Variants in FREM3 observed in about 807,000 individuals in gnomAD.
The protein encoded by FREM3 is FRAS1-related extracellular matrix protein 3.
Under a neutral mutation model 129.1 loss-of-function variants are expected in FREM3, and 105 were observed. That is an observed-to-expected ratio of 0.81 (90% CI 0.69 to 0.96). The LOEUF (loss-of-function observed/expected upper bound fraction) is 0.96, where lower values mean the gene tolerates loss of function less well. Ranked by LOEUF, FREM3 falls within the 40% of genes least tolerant of loss-of-function variation. The probability of loss-of-function intolerance (pLI) is 0.00; values close to 1 mark genes in which losing one functional copy is unlikely to be tolerated. For missense variants in FREM3, 2,593 were observed against 2,666.3 expected (o/e 0.97, Z 0.61); for synonymous variants, 1,014 against 1,044.9 (o/e 0.97, Z 0.57).
chr4:143,675,457 A>C (rs1348377510), intron 2 of FREM3, among the ~76,000 whole-genome samples: 1 of 152,314 alleles, frequency 6.6e-6, no homozygotes, highest in African/African-American at 2.4e-5. Context: ...TAAAATTGAC[A>C]CCCTAACATC....
At position 143,699,161 on chromosome 4, in the gene FREM3, A is replaced by C. The variant is rs766751552; in HGVS notation, c.1515T>G (p.Tyr505Ter). ...TGTAGGTGTTGCTGCCATCATGCTG[A>C]TACACCACTCGCCCTGCTGCCAGGT... ...PADLAAGRVV[Y>*]QHDGSNTYSD... The change falls in exon 1 of 8, where the codon TAT (tyrosine) becomes TAG (stop). Residue 505 changes from tyrosine to a stop codon, truncating the protein, a stop_gained. Transcript: ENST00000329798. LOFTEE classifies it high-confidence loss of function. The surrounding 1 kb of genome is among the most constrained non-coding windows in gnomAD (Gnocchi z 4.2). 6.5e-6 allele frequency: 10 copies of C among 1,537,342 alleles called. No homozygotes were observed. The South Asian group carries it at 1.2e-4, about 18-fold the overall frequency.
intron 7 of FREM3, among the ~76,000 whole-genome samples, chr4:143,582,651 G>A (rs1465659455): frequency 6.6e-6 from 1 of 152,048 alleles, no homozygotes; most frequent in Non-Finnish European, 1.5e-5. Flanking sequence ...CCCCAGCAAT[G>A]GTTCTTAACC....
Position 143,627,669 on chromosome 4 carries a change from T to A in FREM3, c.5367A>T (p.Thr1789=). ...KEYYIVDEDS[T]FLEVTLTRRG... ...TGCGTGTAAGGGTCACTTCTAAGAA[T>A]GTGGAATCTTCATCCACAATGTAGT... is the stretch of plus-strand genomic sequence containing the variant. The change falls in exon 3 of 8, where the codon ACA becomes ACT. Residue 1789 remains threonine (T), a synonymous_variant. Coordinates refer to ENST00000329798, the MANE Select transcript of FREM3 (RefSeq NM_001168235.2). 3 of 1,535,264 alleles carry A rather than the reference T, an allele frequency of 2.0e-6. No individual in the cohort carries two copies. Among genetic ancestry groups the A allele is most frequent in the Non-Finnish European group, 2.6e-6 (3 of 1,145,170 alleles).
chr4:143,655,181 G>C (rs1465206385), intron 2 of FREM3, among the ~76,000 whole-genome samples: 1 of 152,106 alleles, frequency 6.6e-6, no homozygotes, highest in Non-Finnish European at 1.5e-5. Context: ...CTCCTCCTTA[G>C]GACTTTTTTC....
chr4:143,579,493 A>G (rs1054856685), intron 7 of FREM3, among the ~76,000 whole-genome samples: 17 of 152,204 alleles, frequency 1.1e-4, no homozygotes, highest in African/African-American at 3.6e-4. Flanking sequence ...AAAATTACTA[A>G]GGCAGGAGAG....
At chr4:143,680,218 A>G (rs1475516387) in intron 2 of FREM3, among the ~76,000 whole-genome samples, 1 of 131,298 alleles carries the variant, frequency 7.6e-6, no homozygotes, top group Non-Finnish European at 1.5e-5. Flanking sequence ...ACCTTCCCCT[A>G]TATATATATA....
rs2149831818 is a variant in FREM3, at chr4:143,577,835, C to T, written c.6196G>A (p.Gly2066Ser). ...ESAEAGTDYVGISRNLDFAPG... is the reference protein window; with the variant it reads ...ESAEAGTDYVSISRNLDFAPG... ...GCAAAGTCCAGGTTTCGGCTGATAC[C>T]AACATAATCTGTTCCAGCTAGTGAA... Residue 2066 changes from glycine to serine, a missense_variant, in exon 8 of 8, where the codon GGT becomes AGT. Gly to Ser is a moderately conservative substitution (Grantham distance 56). Around this residue, in one of 2 missense-constraint regions of FREM3, gnomAD observed 317 missense variants for 399.0 expected, o/e 0.79. Transcript: ENST00000329798. 5 of 1,537,080 alleles carry T rather than the reference C, an allele frequency of 3.3e-6. No homozygotes were observed. The highest frequency in any genetic ancestry group is 3.5e-6 in the Non-Finnish European group (4 of 1,146,870).
At chr4:143,639,939 C>T (rs1388882947) in intron 2 of FREM3, among the ~76,000 whole-genome samples, 1 of 152,116 alleles carries the variant, frequency 6.6e-6, no homozygotes, top group African/African-American at 2.4e-5. Flanking sequence ...ATAGGCAAAG[C>T]TCTCTACAGT....
chr4:143,680,514 A>T (rs1740230547), intron 2 of FREM3, among the ~76,000 whole-genome samples: 1 of 152,080 alleles, frequency 6.6e-6, no homozygotes, highest in Non-Finnish European at 1.5e-5. Flanking sequence ...ATTTTGTCTC[A>T]TCACTACATT....
At chr4:143,689,184 AAAAC>A (rs1354522700) in intron 2 of FREM3, among the ~76,000 whole-genome samples, 6 of 152,282 alleles carry the variant, frequency 3.9e-5, no homozygotes, top group East Asian at 1.9e-4. Context: ...CAGTAAGAAA[AAAAC>A]AAACAATCCC....
chr4:143,640,849 TA>T (rs1488483478), intron 2 of FREM3, among the ~76,000 whole-genome samples: 1 of 152,096 alleles, frequency 6.6e-6, no homozygotes, highest in Non-Finnish European at 1.5e-5. Context: ...GAGCAATCTT[TA>T]AAAAAATGAT....
At chr4:143,691,391 T>C (rs1195304183) in intron 2 of FREM3, among the ~76,000 whole-genome samples, 4 of 151,062 alleles carry the variant, frequency 2.6e-5, no homozygotes, top group East Asian at 3.9e-4. Flanking sequence ...AAACACCACC[T>C]GTACCACCAA....
chr4:143,661,959 A>C (rs1006189276), intron 2 of FREM3, among the ~76,000 whole-genome samples: 1 of 151,438 alleles, frequency 6.6e-6, no homozygotes, highest in African/African-American at 2.4e-5. Flanking sequence ...TTTTTATTGC[A>C]TCTATTTGAT....
At chr4:143,621,992 A>C (rs1560847833) in intron 4 of FREM3, among the ~76,000 whole-genome samples, 1 of 152,160 alleles carries the variant, frequency 6.6e-6, no homozygotes. Flanking sequence ...CTATGAAACC[A>C]CATTTAATTT....
At chr4:143,679,053 G>T (rs1360507165) in intron 2 of FREM3, among the ~76,000 whole-genome samples, 3 of 152,142 alleles carry the variant, frequency 2.0e-5, no homozygotes, top group Non-Finnish European at 4.4e-5. Context: ...TCAATGCACA[G>T]TTTAATTGTT....
Position 143,700,052 on chromosome 4 carries a change from G to A in FREM3, c.624C>T (p.Cys208=). ...CCTCGTGAGGAAGTGGGGTAAGCCGGCACCTGCGGGTGGCCGTGGCTCCAG... is the reference window on the plus strand; with the variant it reads ...CCTCGTGAGGAAGTGGGGTAAGCCGACACCTGCGGGTGGCCGTGGCTCCAG... ...LKSGATATRR[C]RLTPLPHEDG... The change falls in exon 1 of 8, where the codon TGC becomes TGT. Residue 208 remains cysteine, a synonymous_variant. Coordinates refer to ENST00000329798, the MANE Select transcript of FREM3 (RefSeq NM_001168235.2). 2.0e-6 allele frequency: 3 copies of A among 1,521,558 alleles called. No homozygotes were observed. Among genetic ancestry groups the A allele is most frequent in the Non-Finnish European group, 2.6e-6 (3 of 1,136,530 alleles). The allele number at this position is 1,521,558 out of a possible 1,614,324, so 94.3% of individuals were successfully genotyped here. A position where few individuals can be genotyped will look rare whatever the true frequency, so the allele number is the denominator to read the frequency against.
rs773604907 is a variant in FREM3 at position 143,700,399 on chromosome 4, C to G, written c.277G>C (p.Asp93His). 18 of 1,534,246 alleles carry G rather than the reference C, an allele frequency of 1.2e-5. No individual in the cohort carries two copies. In the African/African-American group the frequency reaches 1.5e-4, roughly 13 times the overall value. Reference sequence around the variant, plus strand: ...TCCAGTACCGTGACTTCGCACCGGTCCCCCGGCTGCACTCCAATCACCAGA... The same window carrying G: ...TCCAGTACCGTGACTTCGCACCGGTGCCCCGGCTGCACTCCAATCACCAGA... ...RDLVIGVQPGDRCEVTVLDAL... is the reference protein window; with the variant it reads ...RDLVIGVQPGHRCEVTVLDAL... The change falls in exon 1 of 8, where the codon GAC (aspartate) becomes CAC (histidine). Residue 93 changes from aspartate to histidine, a missense_variant. Transcript: ENST00000329798.
At chr4:143,619,859 T>A (rs1347865859) in intron 5 of FREM3, among the ~76,000 whole-genome samples, 1 of 151,940 alleles carries the variant, frequency 6.6e-6, no homozygotes, top group East Asian at 1.9e-4. Context: ...ACAAACAATG[T>A]TGTGGGGGTA....
At position 143,696,377 on chromosome 4, in the gene FREM3, C is replaced by T. The variant is rs189302823; in HGVS notation, c.4299G>A (p.Arg1433=). 5.2e-6 allele frequency: 8 copies of T among 1,537,398 alleles called. No homozygotes were observed. The change falls in exon 1 of 8, where the codon AGG becomes AGA. Residue 1433 remains arginine, a synonymous_variant. Transcript: ENST00000329798. ...CTCTGGCACCTTCTATCAAGGTGAT[C>T]CTTTTGCTGATTACCTCAGGGAAGA... is the stretch of plus-strand genomic sequence containing the variant. ...DSVFPEVISK[R]ITLIEGARVT... is the part of the protein sequence containing the mutation.
Sources: allele counts gnomAD v4.1 joint callset (sites outside exome capture counted in the v4.1 genomes callset), GRCh38; gene constraint gnomAD v4.1.1; regional missense constraint gnomAD v4.1.1; non-coding constraint Gnocchi (gnomAD v3.1); transcripts MANE v1.5; gene names NCBI Gene and HGNC (gene_info 2026-07-23, HGNC 2026-07-21).